The following NFATC3 variants were observed in gnomAD, a reference collection of about 807,000 sequenced individuals.
NFATC3 encodes the protein nuclear factor of activated T cells 3, also known as nuclear factor of activated T-cells, cytoplasmic 3.
Under a neutral mutation model 98.6 loss-of-function variants are expected in NFATC3, and 46 were observed. That is an observed-to-expected ratio of 0.47 (90% confidence interval 0.37 to 0.60). NFATC3 has a LOEUF of 0.60. NFATC3 is among the 20% of genes least tolerant of loss of function. NFATC3 has a pLI of 0.00. For synonymous variants in NFATC3, 512 were observed against 472.2 expected (o/e 1.08, Z -1.09); for missense variants, 1,256 against 1,295.5 (o/e 0.97, Z 0.47).
intron 1 of NFATC3, among the ~76,000 whole-genome samples, chr16:68,102,028 T>C (rs1386348237): frequency 6.6e-6 from 1 of 152,114 alleles, no homozygotes; most frequent in Non-Finnish European, 1.5e-5. Context: ...AGTACTTCCT[T>C]CAGTAGCTTA....
chr16:68,112,663 TTTTTTTG>T (rs1466659216), intron 1 of NFATC3, among the ~76,000 whole-genome samples: 1 of 139,452 alleles, frequency 7.2e-6, no homozygotes. Context: ...TTTTTTTTTT[TTTTTTTG>T]AGACGGAGTC....
At chr16:68,145,768 GT>G (rs2151550365) in intron 3 of NFATC3, among the ~76,000 whole-genome samples, 1 of 152,324 alleles carries the variant, frequency 6.6e-6, no homozygotes, top group East Asian at 1.9e-4. Flanking sequence ...TGGGGTAGTA[GT>G]TATTTGAATC....
chr16:68,211,741 C>T (rs571638198), intron 9 of NFATC3, among the ~76,000 whole-genome samples: 4 of 150,820 alleles, frequency 2.7e-5, no homozygotes, highest in Middle Eastern at 7.4e-3. Context: ...AGGCTGGTCT[C>T]GAACTCCTGA....
rs2040929809 is a variant in NFATC3, at chr16:68,201,851, G to A, written c.3106+10076G>A. 2.6e-5 allele frequency among the ~76,000 whole-genome samples: 3 copies of A among 117,468 alleles called. 1 individual carries two copies. The Admixed American group carries it at 2.7e-4, about 10-fold the overall frequency. The allele number at this position is 117,468 out of a possible 152,430, so 77.1% of individuals were successfully genotyped here. A position where few individuals can be genotyped will look rare whatever the true frequency, so the allele number is the denominator to read the frequency against. On this transcript the variant is annotated intron_variant, in intron 9 of 9. Transcript: ENST00000346183. The stretch of plus-strand genomic sequence containing the variant: ...TGCATGCCTGTAGTCCCAGCTACTT[G>A]GGAGGCTGGCATAGGAGAATCACTT...
intron 9 of NFATC3, among the ~76,000 whole-genome samples, chr16:68,216,701 T>C (rs1393816281): frequency 1.3e-5 from 2 of 151,974 alleles, no homozygotes; most frequent in Non-Finnish European, 2.9e-5. Flanking sequence ...CTGGCTAATA[T>C]TTTGTATTTT....
chr16:68,087,702 A>G (rs146196085), intron 1 of NFATC3, among the ~76,000 whole-genome samples: 2 of 152,238 alleles, frequency 1.3e-5, no homozygotes, highest in East Asian at 1.9e-4. Context: ...CAGTTGCCCC[A>G]TATTTTTCCT....
intron 3 of NFATC3, among the ~76,000 whole-genome samples, chr16:68,131,657 T>A (rs549299898): frequency 6.6e-6 from 1 of 152,120 alleles, no homozygotes; most frequent in African/African-American, 2.4e-5. Flanking sequence ...GTACTTTTTT[T>A]TTTTTTTTTA....
chr16:68,136,894 T>C (rs531713350), intron 3 of NFATC3, among the ~76,000 whole-genome samples: 2 of 152,200 alleles, frequency 1.3e-5, no homozygotes, highest in South Asian at 4.1e-4. Context: ...AAGATTTACT[T>C]AAGAAAATAT....
intron 9 of NFATC3, chr16:68,218,011 T>C (rs2041702778): frequency 2.6e-6 from 3 of 1,166,470 alleles, no homozygotes; most frequent in Non-Finnish European, 3.2e-6. Context: ...CAGGAACTTA[T>C]TTCTGTCTGT....
At position 68,190,905 on chromosome 16, in the gene NFATC3, A is replaced by G. The variant is rs774601231; in HGVS notation, c.2236A>G (p.Ser746Gly). 6 of 1,614,088 alleles carry G rather than the reference A, an allele frequency of 3.7e-6. No individual in the cohort carries two copies. In the South Asian group the frequency reaches 5.5e-5, roughly 15 times the overall value. Residue 746 changes from serine to glycine, a missense_variant, in exon 9 of 10, where the codon AGT (serine) becomes GGT (glycine). Ser to Gly is a moderately conservative substitution (Grantham distance 56). Transcript: ENST00000346183. ...TGACAGTGTACTGTCAGGACAGAGA[A>G]GTTTGATTTGCTCCATCCCACAAAC... ...SHDSVLSGQR[S>G]LICSIPQTYA...
chr16:68,215,762 C>T (rs1319449911), intron 9 of NFATC3, among the ~76,000 whole-genome samples: 1 of 122,538 alleles, frequency 8.2e-6, no homozygotes, highest in African/African-American at 3.2e-5. Context: ...GAGTCTTGCT[C>T]TGCCACCCAG....
At chr16:68,133,619 A>G (rs1178966255) in intron 3 of NFATC3, among the ~76,000 whole-genome samples, 4 of 152,150 alleles carry the variant, frequency 2.6e-5, no homozygotes, top group Non-Finnish European at 4.4e-5. Context: ...GAAGATAATC[A>G]TGCTTCTCAA....
At chr16:68,214,428 A>G (rs1598615875) in intron 9 of NFATC3, 1 of 1,613,512 alleles carries the variant, frequency 6.2e-7, no homozygotes, top group East Asian at 2.2e-5. Context: ...TGGAGAATCT[A>G]GAGGGTGAGT....
chr16:68,167,217 T>G (rs913544390), intron 5 of NFATC3, among the ~76,000 whole-genome samples: 1 of 152,192 alleles, frequency 6.6e-6, no homozygotes, highest in African/African-American at 2.4e-5. Context: ...TTTCTCATGA[T>G]AGTTTGACTA....
chr16:68,138,058 A>C (rs1371572135), intron 3 of NFATC3, among the ~76,000 whole-genome samples: 1 of 152,054 alleles, frequency 6.6e-6, no homozygotes, highest in East Asian at 1.9e-4. Flanking sequence ...TCTTTGAGAC[A>C]GAGTCTCGTG....
intron 1 of NFATC3, among the ~76,000 whole-genome samples, chr16:68,108,420 T>G (rs933989880): frequency 2.6e-5 from 4 of 152,196 alleles, no homozygotes; most frequent in African/African-American, 7.2e-5. Flanking sequence ...TTCTCTGTTC[T>G]GTTTCATTGG....
rs374507937 is a variant in NFATC3, at chr16:68,159,852, C to T, written c.1601+1784C>T. Among the ~76,000 whole-genome samples, 260 of 151,936 alleles carry T rather than the reference C, an allele frequency of 1.7e-3. 9 individuals are homozygous for T. The South Asian group carries it at 0.051, about 30-fold the overall frequency. The stretch of plus-strand genomic sequence containing the variant: ...CAGCACTTTGGGAGGCCGAGGTGGG[C>T]GGATTACCTGAGACCAGGAGTTTGA... On this transcript the variant is annotated intron_variant, in intron 4 of 9. Coordinates refer to ENST00000346183, the MANE Select transcript of NFATC3 (RefSeq NM_173165.3).
intron 1 of NFATC3, among the ~76,000 whole-genome samples, chr16:68,118,291 G>A (rs540343019): frequency 1.3e-5 from 2 of 152,132 alleles, no homozygotes; most frequent in Admixed American, 1.3e-4. Context: ...CCACTTAGTA[G>A]CACTTACCAT....
chr16:68,224,464 A>C (rs1420637090), intron 9 of NFATC3, among the ~76,000 whole-genome samples: 1 of 151,314 alleles, frequency 6.6e-6, no homozygotes, highest in African/African-American at 2.4e-5. Flanking sequence ...TTTAGTAGAG[A>C]CAGGTTTTCA....
Sources: gnomAD v4.1 joint callset for allele counts (sites outside exome capture counted in the v4.1 genomes callset) on GRCh38, gnomAD v4.1.1 for gene constraint, MANE v1.5 for transcripts, NCBI Gene and HGNC (gene_info 2026-07-23, HGNC 2026-07-21) for gene names.